Variants in IGSF6 observed in about 807,000 individuals in gnomAD.
The protein encoded by IGSF6 is immunoglobulin superfamily member 6.
A neutral mutation model predicts 24.7 loss-of-function variants in IGSF6; 23 were observed. The ratio of observed to expected loss-of-function variants is 0.93; its 90% confidence interval spans 0.67 to 1.32. The LOEUF is 1.32. Among genes scored for constraint, IGSF6 ranks in the 40% most tolerant of loss-of-function variants. The pLI is 0.00. For synonymous variants in IGSF6, 110 were observed against 113.7 expected, an observed-to-expected ratio of 0.97 and a Z score of 0.21; for missense variants, 295 against 293.6, an observed-to-expected ratio of 1.00 and a Z score of -0.04.
intron 2 of IGSF6, chr16:21,646,899 G>A (rs551940461): frequency 5.2e-4 from 268 of 517,562 alleles, no homozygotes; most frequent in Non-Finnish European, 7.5e-4. Context: ...CAAGTGATTC[G>A]TCCACCTCAG....
intron 5 of IGSF6, 117 bp from the exon 6 acceptor site, chr16:21,641,710 T>C (rs1966275030): frequency 1.9e-6 from 1 of 530,392 alleles, no homozygotes; most frequent in African/African-American, 2.0e-5. Flanking sequence ...AGTGTCCATA[T>C]GGTAATCTTA....
At chr16:21,644,019 T>C (rs957211362) in intron 3 of IGSF6, among the ~76,000 whole-genome samples, 4 of 152,130 alleles carry the variant, frequency 2.6e-5, no homozygotes, top group African/African-American at 9.7e-5. Flanking sequence ...AAAGATAGCA[T>C]AGTGGATGGC....
At position 21,641,479 on chromosome 16, in the gene IGSF6, T is replaced by A; in HGVS notation, c.*55A>T. 9.9e-7 allele frequency: 1 copy of A among 1,010,130 alleles called. No homozygotes were observed. The highest frequency in any genetic ancestry group is 1.5e-6 in the Non-Finnish European group (1 of 656,278). The allele number at this position is 1,010,130 out of a possible 1,614,324, so 62.6% of individuals were successfully genotyped here. A position where few individuals can be genotyped will look rare whatever the true frequency, so the allele number is the denominator to read the frequency against. ...CCTGATGATATATGTTCATTAACAC[T>A]GCCATAGCTCCTGGAGTTGGATTTT... On this transcript the variant is annotated 3_prime_UTR_variant, in exon 6 of 6. Transcript: ENST00000268389.
chr16:21,651,754 C>A (rs1248465128), intron 1 of IGSF6: 2 of 152,114 alleles, frequency 1.3e-5, no homozygotes, highest in Non-Finnish European at 2.9e-5. Context: ...GAGCAAATCC[C>A]AGCCATTTTA....
chr16:21,642,581 C>T (rs924157485), intron 5 of IGSF6, among the ~76,000 whole-genome samples: 1 of 152,118 alleles, frequency 6.6e-6, no homozygotes, highest in African/African-American at 2.4e-5. Flanking sequence ...TATAGATATA[C>T]ATGTATTCTT....
Position 21,647,400 on chromosome 16 carries a change from A to T in IGSF6, c.160T>A (p.Ser54Thr), listed in dbSNP as rs1966458767. Residue 54 changes from serine to threonine, a missense_variant, in exon 2 of 6, where the codon TCC (serine) becomes ACC (threonine). Coordinates refer to ENST00000268389, the MANE Select transcript of IGSF6 (RefSeq NM_005849.4). The part of the protein sequence containing the change: ...HEAVTIKCTF[S>T]ATGCPSEQPT... Reference sequence around the variant, plus strand: ...TGCTCAGAAGGGCATCCGGTTGCGGAGAAGGTACACTTTATGGTGACGGCC... The same window carrying T: ...TGCTCAGAAGGGCATCCGGTTGCGGTGAAGGTACACTTTATGGTGACGGCC... The T allele has an allele frequency of 1.2e-6, 2 of 1,613,958 alleles. No homozygotes were observed. Among genetic ancestry groups the T allele is most frequent in the South Asian group, 1.1e-5 (1 of 91,080 alleles).
At chr16:21,650,999 G>A (rs533444247) in intron 1 of IGSF6, among the ~76,000 whole-genome samples, 45 of 152,300 alleles carry the variant, frequency 3.0e-4, no homozygotes, top group Middle Eastern at 6.8e-3. Flanking sequence ...CGAGGCGGGC[G>A]GATCACGAGG....
chr16:21,648,464 T>C (rs1469308778), intron 1 of IGSF6, among the ~76,000 whole-genome samples: 3 of 152,222 alleles, frequency 2.0e-5, no homozygotes, highest in Non-Finnish European at 4.4e-5. Flanking sequence ...CTGCTACTGT[T>C]CCCACAGTGT....
Position 21,643,152 on chromosome 16 carries a change from C to T in IGSF6, c.588G>A (p.Lys196=). The change falls in exon 5 of 6, where the codon AAG becomes AAA. Residue 196 remains lysine, a splice_region_variant and synonymous_variant. Coordinates refer to ENST00000268389, the MANE Select transcript of IGSF6 (RefSeq NM_005849.4). Reference sequence around the variant, plus strand: ...CCTGAAAAATACGCCGAGCACTCTTCTTCTATAAAGACAAATGAGAAAAAA... The same window carrying T: ...CCTGAAAAATACGCCGAGCACTCTTTTTCTATAAAGACAAATGAGAAAAAA... The part of the protein sequence containing the change: ...NKEIKEDSQK[K]KSARRIFQEI... The T allele has an allele frequency of 6.2e-7, 1 of 1,601,910 alleles. No individual in the cohort carries two copies. The highest frequency in any genetic ancestry group is 8.5e-7 in the Non-Finnish European group (1 of 1,173,318).
chr16:21,640,840 T>G lies in IGSF6; in HGVS notation c.*694A>C, dbSNP rs1966243704. 1 of 151,438 alleles carries G rather than the reference T, an allele frequency of 6.6e-6. No individual in the cohort carries two copies. The highest frequency in any genetic ancestry group is 2.4e-5 in the African/African-American group (1 of 41,240). The allele number at this position is 151,438 out of a possible 1,614,324, so 9.4% of individuals were successfully genotyped here. On this transcript the variant is annotated 3_prime_UTR_variant, in exon 6 of 6. Transcript: ENST00000268389. The stretch of plus-strand genomic sequence containing the variant: ...TTGTAAAGTAGATGTGTTGCCCACA[T>G]CTTCCCTGGTGCTGTTATTTGGCAC...
At chr16:21,651,956 T>G (rs1597791762) in intron 1 of IGSF6, 1 of 152,130 alleles carries the variant, frequency 6.6e-6, no homozygotes, top group Non-Finnish European at 1.5e-5. Flanking sequence ...TCTTCACAGA[T>G]GAGAAAAAAT....
In IGSF6 at chr16:21,641,214, T is replaced by G; in HGVS notation, c.*320A>C. On this transcript the variant is annotated 3_prime_UTR_variant, in exon 6 of 6. Coordinates refer to ENST00000268389, the MANE Select transcript of IGSF6 (RefSeq NM_005849.4). ...TTCTTCCACTCAAGACTGAGGCACA[T>G]GGTTTGGCTTCAGATCTTCAGGATG... 1 of 188,542 alleles carries G rather than the reference T, an allele frequency of 5.3e-6. No homozygotes were observed. The highest frequency in any genetic ancestry group is 1.1e-5 in the Non-Finnish European group (1 of 92,096). The allele number at this position is 188,542 out of a possible 1,614,324, so 11.7% of individuals were successfully genotyped here.
At position 21,639,678 on chromosome 16, in the gene IGSF6, CAT is replaced by C. The variant is rs1966196310; in HGVS notation, c.*1854_*1855del. ...TCATGCATATACCGTATACAAAACA[CAT>C]GTGGCCCCACACATATACACATGTG... On this transcript the variant is annotated 3_prime_UTR_variant, in exon 6 of 6. Coordinates refer to ENST00000268389, the MANE Select transcript of IGSF6 (RefSeq NM_005849.4). 1.3e-5 allele frequency: 2 copies of C among 152,190 alleles called. No homozygotes were observed. The highest frequency in any genetic ancestry group is 2.9e-5 in the Non-Finnish European group (2 of 68,024). The allele number at this position is 152,190 out of a possible 1,614,324, so 9.4% of individuals were successfully genotyped here.
At chr16:21,647,519 T>A in intron 1 of IGSF6, 27 bp from the exon 2 acceptor site, 1 of 1,585,700 alleles carries the variant, frequency 6.3e-7, no homozygotes, top group Non-Finnish European at 8.6e-7. Flanking sequence ...ATGAGTGGGT[T>A]AATGGGCCTG....
rs1280947542 is a variant in IGSF6 at position 21,640,032 on chromosome 16, G to T, written c.*1502C>A. 1 of 152,044 alleles carries T rather than the reference G, an allele frequency of 6.6e-6. No individual in the cohort carries two copies. Among genetic ancestry groups the T allele is most frequent in the Non-Finnish European group, 1.5e-5 (1 of 68,044 alleles). The allele number at this position is 152,044 out of a possible 1,614,324, so 9.4% of individuals were successfully genotyped here. On this transcript the variant is annotated 3_prime_UTR_variant, in exon 6 of 6. Transcript: ENST00000268389. Reference sequence around the variant, plus strand: ...CAGCTCACTGCAACCTCCGCATCCTGGGTTCAAGTGATCTCCTGCCTCAGC... The same window carrying T: ...CAGCTCACTGCAACCTCCGCATCCTTGGTTCAAGTGATCTCCTGCCTCAGC...
chr16:21,644,152 G>A (rs1224631705), intron 3 of IGSF6, 138 bp downstream of exon 3: 16 of 623,814 alleles, frequency 2.6e-5, no homozygotes, highest in South Asian at 2.5e-4. Flanking sequence ...TGCAGGTGGT[G>A]TTCCCTGCAG....
intron 1 of IGSF6, among the ~76,000 whole-genome samples, chr16:21,649,333 AGATGAGCTGG>A (rs1966510421): frequency 6.6e-6 from 1 of 152,254 alleles, no homozygotes; most frequent in South Asian, 2.1e-4. Flanking sequence ...GTGCAACATG[AGATGAGCTGG>A]GAGCTCTGTG....
At chr16:21,646,954 A>G in intron 2 of IGSF6, 179 bp downstream of exon 2, 2 of 775,998 alleles carry the variant, frequency 2.6e-6, no homozygotes, top group South Asian at 3.1e-5. Flanking sequence ...ACGCCCAGCC[A>G]GTTGGAGTAG....
At position 21,647,145 on chromosome 16, in the gene IGSF6, G is replaced by C. The variant is rs754450106; in HGVS notation, c.415C>G (p.Leu139Val). 1 of 1,614,142 alleles carries C rather than the reference G, an allele frequency of 6.2e-7. No homozygotes were observed. Among genetic ancestry groups the C allele is most frequent in the South Asian group, 1.1e-5 (1 of 91,088 alleles). The change falls in exon 2 of 6, where the codon CTG becomes GTG. Residue 139 changes from leucine (L) to valine (V), a missense_variant. Physicochemically the swap from Leu to Val is conservative, Grantham distance 32. Coordinates refer to ENST00000268389, the MANE Select transcript of IGSF6 (RefSeq NM_005849.4). ...RAKQTGGGTT[L>V]VVREIKLLSK... ...CTCGCTGACTGACCTCTTACCACCAGTGTGGTCCCTCCTCCTGTCTGTTTA... is the reference window on the plus strand; with the variant it reads ...CTCGCTGACTGACCTCTTACCACCACTGTGGTCCCTCCTCCTGTCTGTTTA...
Sources: allele counts gnomAD v4.1 joint callset (sites outside exome capture counted in the v4.1 genomes callset), GRCh38; gene constraint gnomAD v4.1.1; transcripts MANE v1.5; gene names NCBI Gene and HGNC (gene_info 2026-07-23, HGNC 2026-07-21).